The following ATP2B2 variants were observed in gnomAD, a reference collection of about 807,000 sequenced individuals.
ATP2B2 encodes plasma membrane calcium-transporting ATPase 2.
A neutral mutation model predicts 120.0 loss-of-function variants in ATP2B2; 15 were observed. The observed-to-expected ratio is 0.12, with a 90% CI of 0.08 to 0.19. The LOEUF is 0.19. ATP2B2 is among the 10% of genes least tolerant of loss of function. The pLI is 1.00. For missense variants in ATP2B2, 1,045 were observed against 1,719.8 expected (o/e 0.61, Z 6.94); for synonymous variants, 694 against 700.3 (o/e 0.99, Z 0.14).
At chr3:10,411,595 C>T (rs1352993024) in intron 2 of ATP2B2, among the ~76,000 whole-genome samples, 3 of 152,146 alleles carry the variant, frequency 2.0e-5, no homozygotes, top group Non-Finnish European at 2.9e-5. Flanking sequence ...TACTGTAATG[C>T]GGATGGTGAT....
chr3:10,336,456 G>A (rs2060120302), intron 22 of ATP2B2, among the ~76,000 whole-genome samples: 2 of 152,372 alleles, frequency 1.3e-5, no homozygotes, highest in South Asian at 4.1e-4. Flanking sequence ...CCAAGGCTCT[G>A]AAAAACGTCT....
At chr3:10,426,840 G>C (rs147415226) in intron 2 of ATP2B2, among the ~76,000 whole-genome samples, 18 of 121,988 alleles carry the variant, frequency 1.5e-4, no homozygotes, top group African/African-American at 4.3e-4. Context: ...TCCTCAGGGA[G>C]AAAGAATTTT....
intron 1 of ATP2B2, among the ~76,000 whole-genome samples, chr3:10,675,033 G>A (rs895427639): frequency 9.9e-5 from 15 of 152,238 alleles, no homozygotes; most frequent in African/African-American, 3.1e-4. Context: ...GGGGAATTCC[G>A]TTACTTTGGA....
At chr3:10,501,025 C>T (rs988117128) in intron 1 of ATP2B2, among the ~76,000 whole-genome samples, 14 of 152,140 alleles carry the variant, frequency 9.2e-5, no homozygotes, top group African/African-American at 2.4e-4. Context: ...AGTGATGAGC[C>T]GGCCTGGGAC....
At chr3:10,650,056 C>T (rs139150326) in intron 1 of ATP2B2, among the ~76,000 whole-genome samples, 73 of 152,268 alleles carry the variant, frequency 4.8e-4, no homozygotes, top group African/African-American at 1.4e-3. Context: ...TGAAGATACC[C>T]GAAACTGTGG....
chr3:10,622,448 T>C (rs2125626114), intron 1 of ATP2B2, among the ~76,000 whole-genome samples: 1 of 152,198 alleles, frequency 6.6e-6, no homozygotes, highest in Admixed American at 6.5e-5. Flanking sequence ...TGTCCATAAA[T>C]AAAGGTGAAG....
At chr3:10,490,505 A>C (rs703905) in intron 1 of ATP2B2, among the ~76,000 whole-genome samples, 13 of 151,210 alleles carry the variant, frequency 8.6e-5, no homozygotes, top group Non-Finnish European at 1.3e-4. Flanking sequence ...TGTTTAAGCA[A>C]TTCCTGTATC....
chr3:10,351,027 T>C (rs2060564495), intron 14 of ATP2B2, among the ~76,000 whole-genome samples: 1 of 152,186 alleles, frequency 6.6e-6, no homozygotes. Context: ...TATTTTCAGT[T>C]TCTTGGGGGG....
At position 10,645,965 on chromosome 3, in the gene ATP2B2, A is replaced by G. The variant is rs541029236; in HGVS notation, c.-459-26004T>C. On this transcript the variant is annotated intron_variant, in intron 1 of 21. Coordinates refer to the ATP2B2 transcript ENST00000646379. The stretch of plus-strand genomic sequence containing the variant: ...CCTCGAACCTGGGAGGACCCACTTG[A>G]TCCTGGGTGGGACCCCCGTTGCAAA... Among the ~76,000 whole-genome samples, 7 of 152,220 alleles carry G rather than the reference A, an allele frequency of 4.6e-5. 1 individual carries two copies. The South Asian group carries it at 1.5e-3, about 32-fold the overall frequency.
intron 16 of ATP2B2, among the ~76,000 whole-genome samples, chr3:10,348,211 C>T (rs779601092): frequency 6.6e-6 from 1 of 152,120 alleles, no homozygotes; most frequent in African/African-American, 2.4e-5. Flanking sequence ...CTCCTCATCC[C>T]TCCATGACAT....
chr3:10,705,409 T>A (rs558491063), intron 1 of ATP2B2, among the ~76,000 whole-genome samples: 42 of 152,194 alleles, frequency 2.8e-4, no homozygotes, highest in African/African-American at 9.4e-4. Flanking sequence ...CCACAGTCTG[T>A]CAAAGTCATA....
At chr3:10,511,560 T>A (rs1184389181) in intron 3 of ATP2B2, among the ~76,000 whole-genome samples, 4 of 152,162 alleles carry the variant, frequency 2.6e-5, no homozygotes, top group Admixed American at 2.0e-4. Flanking sequence ...GAGTTGCTAT[T>A]TCCTGAGCTG....
At chr3:10,700,238 C>T (rs949526477) in intron 1 of ATP2B2, among the ~76,000 whole-genome samples, 1 of 152,020 alleles carries the variant, frequency 6.6e-6, no homozygotes, top group Non-Finnish European at 1.5e-5. Context: ...GTAACAAACT[C>T]GTTCACATTG....
intron 2 of ATP2B2, among the ~76,000 whole-genome samples, chr3:10,541,296 T>A (rs2067434386): frequency 6.6e-6 from 1 of 152,206 alleles, no homozygotes; most frequent in African/African-American, 2.4e-5. Flanking sequence ...TATTATTTCC[T>A]TTCTTCTGTT....
Position 10,376,510 on chromosome 3 carries a change from G to C in ATP2B2, c.1202-866C>G, listed in dbSNP as rs376878554. 4.6e-5 allele frequency among the ~76,000 whole-genome samples: 7 copies of C among 152,246 alleles called. No individual in the cohort carries two copies. The South Asian group carries it at 1.5e-3, about 32-fold the overall frequency. ...CCACAGGCAAGAGAAATGCTGTAAC[G>C]GTAGGAACGCAGCTGGGGACCCATC... On this transcript the variant is annotated intron_variant, in intron 10 of 22. Transcript: ENST00000360273.
chr3:10,364,719 A>C (rs1196535977), intron 12 of ATP2B2, among the ~76,000 whole-genome samples: 1 of 152,068 alleles, frequency 6.6e-6, no homozygotes, highest in Non-Finnish European at 1.5e-5. Flanking sequence ...TTGGGGAAAA[A>C]AAATAATAAT....
intron 1 of ATP2B2, among the ~76,000 whole-genome samples, chr3:10,628,242 G>A (rs1302914799): frequency 6.6e-6 from 1 of 152,040 alleles, no homozygotes; most frequent in Non-Finnish European, 1.5e-5. Flanking sequence ...CAGATGTACA[G>A]TGGAAGGGTG....
chr3:10,487,385 G>T (rs17032984), intron 1 of ATP2B2, among the ~76,000 whole-genome samples: 18,391 of 152,188 alleles, frequency 0.12, 1,255 homozygotes, highest in African/African-American at 0.18. Context: ...GGATGCTAGG[G>T]GTTACCAGGG....
chr3:10,413,223 G>A (rs761190997), intron 2 of ATP2B2, among the ~76,000 whole-genome samples: 1 of 152,216 alleles, frequency 6.6e-6, no homozygotes, highest in Non-Finnish European at 1.5e-5. Context: ...GTGGTTCCGG[G>A]AGTCCAGCAG....
Sources: allele counts gnomAD v4.1 joint callset (sites outside exome capture counted in the v4.1 genomes callset), GRCh38; gene constraint gnomAD v4.1.1; transcripts MANE v1.5; gene names NCBI Gene and HGNC (gene_info 2026-07-23, HGNC 2026-07-21).